Variants in SLC35E4 observed in about 807,000 individuals in gnomAD.
The protein encoded by SLC35E4 is solute carrier family 35, member E4.
Under a neutral mutation model 19.3 loss-of-function variants are expected in SLC35E4, and 15 were observed. The ratio of observed to expected loss-of-function variants is 0.78; its 90% CI spans 0.52 to 1.20. SLC35E4 has a LOEUF of 1.20. Ranked by LOEUF, SLC35E4 falls within the 50% of genes most tolerant of loss-of-function variation. The pLI, the probability that SLC35E4 is intolerant of heterozygous loss-of-function variation, is 0.00. For synonymous variants in SLC35E4, 219 were observed against 219.9 expected (o/e 1.00, Z 0.04); for missense variants, 406 against 472.3 (o/e 0.86, Z 1.30).
chr22:30,640,167 G>C (rs1286787559), intron 1 of SLC35E4, among the ~76,000 whole-genome samples: 1 of 152,124 alleles, frequency 6.6e-6, no homozygotes, highest in East Asian at 1.9e-4. Flanking sequence ...GAGGTCAGGA[G>C]ATCAAGACCA....
chr22:30,666,293 G>T (rs2088658922), downstream of SLC35E4, among the ~76,000 whole-genome samples: 1 of 152,162 alleles, frequency 6.6e-6, no homozygotes, highest in Non-Finnish European at 1.5e-5. Context: ...GGTGAGGGTA[G>T]TGATGCGAGG....
chr22:30,657,020 G>GA (rs2088350975), intron 2 of SLC35E4, among the ~76,000 whole-genome samples: 1 of 152,040 alleles, frequency 6.6e-6, no homozygotes, highest in African/African-American at 2.4e-5. Context: ...ACTCAACTAT[G>GA]AAAAAAATGC....
intron 2 of SLC35E4, among the ~76,000 whole-genome samples, chr22:30,661,002 C>A (rs189196378): frequency 9.5e-4 from 145 of 152,246 alleles, no homozygotes; most frequent in African/African-American, 3.4e-3. Context: ...TGCCACTACG[C>A]CCTGCTTTCG....
chr22:30,665,448 T>G, downstream of SLC35E4: 1 of 460,914 alleles, frequency 2.2e-6, no homozygotes, highest in South Asian at 1.6e-5. Flanking sequence ...CCAGTGGCCT[T>G]TGCCCCTGCT....
Position 30,636,729 on chromosome 22 carries a change from A to T in SLC35E4, c.279A>T (p.Ala93=). 1.2e-6 allele frequency: 2 copies of T among 1,611,796 alleles called. No individual in the cohort carries two copies. The highest frequency in any genetic ancestry group is 1.7e-6 in the Non-Finnish European group (2 of 1,179,142). The part of the protein sequence containing the change: ...SALHMLVAAL[A]CHRGARRPMP... ...TGCACATGCTGGTGGCAGCCCTGGC[A>T]TGCCACCGGGGGGCACGGCGCCCCA... Residue 93 remains alanine (A), a synonymous_variant, in exon 1 of 2, where the codon GCA becomes GCT. Transcript: ENST00000343605.
chr22:30,662,338 C>T (rs1165224634), exon 3 of SLC35E4: 1 of 152,176 alleles, frequency 6.6e-6, no homozygotes, highest in African/African-American at 2.4e-5. Context: ...GAGGAGGTGA[C>T]AGGGCTGGGC....
chr22:30,637,131 C>T, intron 1 of SLC35E4, 62 bp downstream of exon 1: 1 of 1,511,830 alleles, frequency 6.6e-7, no homozygotes, highest in Non-Finnish European at 8.8e-7. Flanking sequence ...GCCTGGATGG[C>T]CCTGTGAGGG....
chr22:30,655,429 CA>C (rs5844917), intron 2 of SLC35E4, among the ~76,000 whole-genome samples: 89,351 of 111,832 alleles, frequency 0.8, 34,400 homozygotes, highest in East Asian at 0.92. Context: ...GAGATCCTAC[CA>C]AAAAAAAAAA....
At chr22:30,665,595 C>A, downstream of SLC35E4, 1 of 468,002 alleles carries the variant, frequency 2.1e-6, no homozygotes, top group Non-Finnish European at 4.4e-6. Flanking sequence ...TAGATCACAC[C>A]CCTCCCTCAC....
intron 2 of SLC35E4, chr22:30,654,515 TG>T: frequency 2.3e-6 from 1 of 428,726 alleles, no homozygotes. Context: ...GAGGCGGTCT[TG>T]GGCGGCCTGG....
intron 2 of SLC35E4, chr22:30,653,977 G>GT (rs1316985664): frequency 0.023 from 3,372 of 149,632 alleles, 71 homozygotes; most frequent in African/African-American, 0.036. Context: ...TAGCTGTTTT[G>GT]TTTTTTTGTT....
At chr22:30,664,197 ACAG>A, downstream of SLC35E4, 1 of 603,328 alleles carries the variant, frequency 1.7e-6, no homozygotes, top group East Asian at 2.8e-5. Flanking sequence ...TCTGACCATC[ACAG>A]CAGAACTACC....
At chr22:30,657,936 T>C (rs1315233593) in intron 2 of SLC35E4, among the ~76,000 whole-genome samples, 1 of 146,484 alleles carries the variant, frequency 6.8e-6, no homozygotes, top group Non-Finnish European at 1.5e-5. Context: ...ATAATAATAA[T>C]AATAATAATA....
Position 30,636,757 on chromosome 22 carries a change from C to A in SLC35E4, c.307C>A (p.Pro103Thr). 6.2e-7 allele frequency: 1 copy of A among 1,612,130 alleles called. No homozygotes were observed. The highest frequency in any genetic ancestry group is 8.5e-7 in the Non-Finnish European group (1 of 1,179,448). The change falls in exon 1 of 2, where the codon CCA becomes ACA. Residue 103 changes from proline (P) to threonine (T), a missense_variant. Coordinates refer to ENST00000343605, the MANE Select transcript of SLC35E4 (RefSeq NM_001001479.4). ...ACHRGARRPM[P>T]GGTRCRVLLL... Reference sequence around the variant, plus strand: ...CCACCGGGGGGCACGGCGCCCCATGCCAGGCGGCACTCGCTGCCGAGTCCT... The same window carrying A: ...CCACCGGGGGGCACGGCGCCCCATGACAGGCGGCACTCGCTGCCGAGTCCT...
At chr22:30,657,395 G>A (rs889135413) in intron 2 of SLC35E4, among the ~76,000 whole-genome samples, 25 of 149,528 alleles carry the variant, frequency 1.7e-4, no homozygotes, top group Admixed American at 1.6e-3. Flanking sequence ...GGAGGCGGAG[G>A]TTGCAGTAAG....
At chr22:30,656,137 C>CT (rs371322594) in intron 2 of SLC35E4, among the ~76,000 whole-genome samples, 100 of 145,174 alleles carry the variant, frequency 6.9e-4, no homozygotes, top group African/African-American at 1.4e-3. Flanking sequence ...CCATGCTGGG[C>CT]TTTTTTTTTT....
intron 2 of SLC35E4, chr22:30,661,444 C>CTTTTTTTTTTT (rs56242112): frequency 6.5e-4 from 89 of 136,458 alleles, no homozygotes; most frequent in African/African-American, 7.0e-4. Flanking sequence ...TTTTCTTTTT[C>CTTTTTTTTTTT]TTTTTTTTTT....
downstream of SLC35E4, chr22:30,663,768 A>G: frequency 6.2e-7 from 1 of 1,614,210 alleles, no homozygotes; most frequent in East Asian, 2.2e-5. Context: ...GAAGTCACAG[A>G]GACGTGAGTT....
chr22:30,663,482 G>T (rs751239544), downstream of SLC35E4: 6 of 1,613,816 alleles, frequency 3.7e-6, no homozygotes, highest in Non-Finnish European at 5.1e-6. Context: ...AGATGTCAGG[G>T]ATCATTCCCA....
Sources: gnomAD v4.1 joint callset for allele counts (sites outside exome capture counted in the v4.1 genomes callset) on GRCh38, gnomAD v4.1.1 for gene constraint, MANE v1.5 for transcripts, NCBI Gene and HGNC (gene_info 2026-07-23, HGNC 2026-07-21) for gene names.